SGCZ: variants seen among roughly 807,000 people sequenced by gnomAD.
SGCZ encodes the protein sarcoglycan zeta, also known as zeta-sarcoglycan.
A neutral mutation model predicts 41.3 loss-of-function variants in SGCZ; 40 were observed. The observed-to-expected ratio is 0.97, with a 90% CI of 0.75 to 1.26. The LOEUF (loss-of-function observed/expected upper bound fraction) is 1.26, where lower values mean the gene tolerates loss of function less well. Among genes scored for constraint, SGCZ ranks in the 50% most tolerant of loss-of-function variants. SGCZ has a pLI of 0.00. For synonymous variants in SGCZ, 206 were observed against 137.5 expected (o/e 1.50, Z -3.49); for missense variants, 552 against 369.8 (o/e 1.49, Z -4.04).
intron 1 of SGCZ, among the ~76,000 whole-genome samples, chr8:14,655,836 G>A (rs1361886729): frequency 1.3e-5 from 2 of 151,990 alleles, no homozygotes; most frequent in Non-Finnish European, 2.9e-5. Flanking sequence ...TGTCATTTAG[G>A]AGTGTTACAT....
intron 1 of SGCZ, among the ~76,000 whole-genome samples, chr8:14,971,313 T>C (rs996575326): frequency 6.6e-6 from 1 of 152,194 alleles, no homozygotes; most frequent in African/African-American, 2.4e-5. Flanking sequence ...TAATACCGAA[T>C]AGAAATAATA....
chr8:14,769,260 T>C (rs118020871), intron 1 of SGCZ, among the ~76,000 whole-genome samples: 11,429 of 152,214 alleles, frequency 0.075, 433 homozygotes, highest in Middle Eastern at 0.11. Context: ...TGTTCCTGTG[T>C]ATATTTTATC....
chr8:14,278,931 T>C (rs1800326293), intron 3 of SGCZ, among the ~76,000 whole-genome samples: 4 of 152,156 alleles, frequency 2.6e-5, no homozygotes, highest in Admixed American at 1.3e-4. Flanking sequence ...ATTGCTTTTA[T>C]AAATGCCTAC....
At chr8:14,624,555 A>ATTATTTTTTTTTTTTTTTTTTT (rs1438250019) in intron 1 of SGCZ, among the ~76,000 whole-genome samples, 1 of 96,268 alleles carries the variant, frequency 1.0e-5, no homozygotes, top group East Asian at 3.8e-4. Flanking sequence ...TATTATTATT[A>ATTATTTTTTTTTTTTTTTTTTT]TTTTTTTTTT....
At chr8:14,681,310 AAGAC>A (rs1808439171) in intron 1 of SGCZ, among the ~76,000 whole-genome samples, 1 of 152,176 alleles carries the variant, frequency 6.6e-6, no homozygotes, top group Admixed American at 6.5e-5. Flanking sequence ...TGCAAGCCAC[AAGAC>A]AATGAAGTGC....
chr8:14,981,326 C>A (rs1801655805), intron 1 of SGCZ, among the ~76,000 whole-genome samples: 1 of 152,174 alleles, frequency 6.6e-6, no homozygotes, highest in Non-Finnish European at 1.5e-5. Flanking sequence ...AATACGTTGT[C>A]TTTTCACCTG....
chr8:15,157,009 TC>T (rs1450302946), intron 1 of SGCZ, among the ~76,000 whole-genome samples: 2 of 151,356 alleles, frequency 1.3e-5, no homozygotes, highest in East Asian at 3.9e-4. Context: ...TCTCAAATAT[TC>T]TCAAATAGTT....
intron 5 of SGCZ, among the ~76,000 whole-genome samples, chr8:14,139,519 C>T (rs868443457): frequency 1.3e-5 from 2 of 152,126 alleles, no homozygotes; most frequent in South Asian, 2.1e-4. Context: ...CACCACTGAT[C>T]GCACAGTAAT....
intron 3 of SGCZ, among the ~76,000 whole-genome samples, chr8:14,252,916 T>C (rs957828852): frequency 2.0e-5 from 3 of 152,198 alleles, no homozygotes; most frequent in Admixed American, 1.3e-4. Context: ...AATTTAGAAA[T>C]TCAAAGAAAA....
intron 4 of SGCZ, among the ~76,000 whole-genome samples, chr8:14,222,765 T>G (rs2117125731): frequency 6.7e-6 from 1 of 149,938 alleles, no homozygotes. Context: ...ATTTAATAAC[T>G]AATTCCACCC....
chr8:15,008,348 T>A (rs937175120), intron 1 of SGCZ, among the ~76,000 whole-genome samples: 1 of 151,928 alleles, frequency 6.6e-6, no homozygotes, highest in African/African-American at 2.4e-5. Context: ...TTTTAGTTGT[T>A]TCATTTTTAT....
chr8:14,449,018 C>T (rs973575714), intron 2 of SGCZ, among the ~76,000 whole-genome samples: 2 of 152,152 alleles, frequency 1.3e-5, no homozygotes, highest in Middle Eastern at 3.2e-3. Flanking sequence ...ACATTCCAGA[C>T]AAACAGATAG....
chr8:14,488,107 C>T (rs1395277131), intron 2 of SGCZ, among the ~76,000 whole-genome samples: 3 of 152,228 alleles, frequency 2.0e-5, no homozygotes, highest in Non-Finnish European at 4.4e-5. Context: ...AAGTAAATTC[C>T]CTGACACGAA....
At chr8:14,970,684 T>C (rs1035128294) in intron 1 of SGCZ, among the ~76,000 whole-genome samples, 1 of 152,216 alleles carries the variant, frequency 6.6e-6, no homozygotes. Context: ...GTACTAATGC[T>C]GTACTGACTT....
Position 14,529,620 on chromosome 8 carries a change from C to T in SGCZ, c.234+25112G>A, listed in dbSNP as rs78749379. 1.0e-3 allele frequency among the ~76,000 whole-genome samples: 159 copies of T among 152,162 alleles called. No individual in the cohort carries two copies. The East Asian group carries it at 0.011, about 11-fold the overall frequency. ...AATGGAGAGGTTTTATGTTAATGTA[C>T]CCATATTACAAAAAGAGAAATTCCC... On this transcript the variant is annotated intron_variant, in intron 2 of 7. Transcript: ENST00000382080.
intron 2 of SGCZ, among the ~76,000 whole-genome samples, chr8:14,401,437 CT>C (rs1799072398): frequency 9.9e-6 from 1 of 101,220 alleles, no homozygotes; most frequent in East Asian, 3.7e-4. Context: ...TCCCTCCCCC[CT>C]CCCCCCACCC....
intron 3 of SGCZ, among the ~76,000 whole-genome samples, chr8:14,264,772 T>G (rs1799815859): frequency 6.6e-6 from 1 of 152,056 alleles, no homozygotes; most frequent in Admixed American, 6.5e-5. Context: ...CCATCCTGGC[T>G]AACACGGTGA....
At chr8:14,427,920 C>A (rs1209152998) in intron 2 of SGCZ, among the ~76,000 whole-genome samples, 1 of 151,978 alleles carries the variant, frequency 6.6e-6, no homozygotes, top group Non-Finnish European at 1.5e-5. Context: ...ATTTACATAG[C>A]ACTTACATTC....
intron 1 of SGCZ, among the ~76,000 whole-genome samples, chr8:14,663,750 A>C (rs965013087): frequency 1.3e-5 from 2 of 152,148 alleles, no homozygotes; most frequent in Non-Finnish European, 2.9e-5. Context: ...TTCTTATCCC[A>C]CTTAGAACCT....
Sources: allele counts gnomAD v4.1 joint callset (sites outside exome capture counted in the v4.1 genomes callset), GRCh38; gene constraint gnomAD v4.1.1; transcripts MANE v1.5; gene names NCBI Gene and HGNC (gene_info 2026-07-23, HGNC 2026-07-21).